The following ASTN2 variants were observed in gnomAD, a reference collection of about 807,000 sequenced individuals.
The protein encoded by ASTN2 is astrotactin-2.
Under a neutral mutation model 139.8 loss-of-function variants are expected in ASTN2, and 54 were observed. The ratio of observed to expected loss-of-function variants is 0.39; its 90% CI spans 0.31 to 0.48. The LOEUF (loss-of-function observed/expected upper bound fraction) is 0.48. ASTN2 is among the 20% of genes least tolerant of loss of function. The pLI, the probability that ASTN2 is intolerant of heterozygous loss-of-function variation, is 0.95. For synonymous variants in ASTN2, 756 were observed against 719.5 expected (o/e 1.05, Z -0.81); for missense variants, 1,565 against 1,725.1 (o/e 0.91, Z 1.64).
chr9:117,256,500 A>G (rs924506032), intron 2 of ASTN2, among the ~76,000 whole-genome samples: 2 of 152,170 alleles, frequency 1.3e-5, no homozygotes, highest in Non-Finnish European at 2.9e-5. Context: ...AGGCTTAGAG[A>G]GATTAAAACA....
At chr9:117,085,618 G>T (rs1458571769) in intron 5 of ASTN2, among the ~76,000 whole-genome samples, 1 of 152,184 alleles carries the variant, frequency 6.6e-6, no homozygotes, top group Non-Finnish European at 1.5e-5. Context: ...GCTGCCTTTT[G>T]TCCTCCATAC....
At chr9:117,028,799 G>A (rs1163520999) in intron 6 of ASTN2, among the ~76,000 whole-genome samples, 6 of 152,166 alleles carry the variant, frequency 3.9e-5, no homozygotes, top group Admixed American at 1.3e-4. Context: ...TAATGTGATG[G>A]CTGCATAAGG....
rs181813721 is a variant in ASTN2, at chr9:117,115,988, G to A, written c.1169-19837C>T. Among the ~76,000 whole-genome samples, 841 of 150,408 alleles carry A rather than the reference G, an allele frequency of 5.6e-3. 10 individuals carry two copies. The highest frequency in any genetic ancestry group is 0.018 in the African/African-American group (712 of 40,420). Reference sequence around the variant, plus strand: ...TGCAGTGAGCTGAGATTGTGCCACTGCACTCCAGACTGGGGGACAGAGTGA... The same window carrying A: ...TGCAGTGAGCTGAGATTGTGCCACTACACTCCAGACTGGGGGACAGAGTGA... On this transcript the variant is annotated intron_variant, in intron 4 of 22. Transcript: ENST00000313400.
At chr9:116,616,732 T>A (rs1340760840) in intron 19 of ASTN2, among the ~76,000 whole-genome samples, 1 of 152,064 alleles carries the variant, frequency 6.6e-6, no homozygotes, top group Non-Finnish European at 1.5e-5. Flanking sequence ...TGGTTATCTG[T>A]GGTTTACAAA....
At chr9:117,290,176 T>C (rs577017448) in intron 2 of ASTN2, among the ~76,000 whole-genome samples, 106 of 152,248 alleles carry the variant, frequency 7.0e-4, no homozygotes, top group African/African-American at 2.1e-3. Context: ...ATGTTGGAGA[T>C]ACCATTTCCT....
intron 19 of ASTN2, chr9:116,568,673 C>G (rs987538818): frequency 6.6e-6 from 1 of 152,302 alleles, no homozygotes; most frequent in African/African-American, 2.4e-5. Flanking sequence ...CATCCTGAGT[C>G]TGGTCCCTCT....
At chr9:117,140,196 C>T (rs1448436833) in intron 4 of ASTN2, among the ~76,000 whole-genome samples, 2 of 152,140 alleles carry the variant, frequency 1.3e-5, no homozygotes, top group Non-Finnish European at 2.9e-5. Context: ...TGGTTTCATG[C>T]AGAGAGCATG....
chr9:117,152,894 G>C (rs1031789234), intron 3 of ASTN2, among the ~76,000 whole-genome samples: 2 of 152,068 alleles, frequency 1.3e-5, no homozygotes, highest in African/African-American at 4.8e-5. Context: ...AACATTTACT[G>C]TTTATGGAGT....
chr9:116,668,278 G>A (rs570357679), intron 16 of ASTN2, among the ~76,000 whole-genome samples: 1 of 146,192 alleles, frequency 6.8e-6, no homozygotes, highest in East Asian at 2.2e-4. Flanking sequence ...CGCAACCTCC[G>A]CCCCCCAGGT....
At chr9:117,113,179 T>C (rs1476143179) in intron 4 of ASTN2, among the ~76,000 whole-genome samples, 1 of 152,142 alleles carries the variant, frequency 6.6e-6, no homozygotes, top group Non-Finnish European at 1.5e-5. Context: ...AAACCCTATT[T>C]CTCAAAATGT....
At chr9:117,345,377 T>C (rs1157396996) in intron 1 of ASTN2, among the ~76,000 whole-genome samples, 1 of 152,160 alleles carries the variant, frequency 6.6e-6, no homozygotes, top group East Asian at 1.9e-4. Context: ...GTATGAATCA[T>C]AACCACAGCT....
At chr9:116,506,681 C>T (rs995604988) in intron 19 of ASTN2, among the ~76,000 whole-genome samples, 4 of 152,096 alleles carry the variant, frequency 2.6e-5, no homozygotes, top group African/African-American at 9.7e-5. Flanking sequence ...CCATCTCCAA[C>T]CCCCCAAAAA....
chr9:116,836,737 A>T (rs896419080), intron 11 of ASTN2, among the ~76,000 whole-genome samples: 1 of 152,106 alleles, frequency 6.6e-6, no homozygotes, highest in Non-Finnish European at 1.5e-5. Flanking sequence ...CAAAGGCTTC[A>T]GCTGGTCTGC....
intron 20 of ASTN2, among the ~76,000 whole-genome samples, chr9:116,443,654 A>C (rs1485707290): frequency 6.6e-6 from 1 of 152,130 alleles, no homozygotes. Context: ...GCAAAGTCTA[A>C]GAAGGGAGCA....
intron 19 of ASTN2, among the ~76,000 whole-genome samples, chr9:116,537,548 G>A (rs991756419): frequency 6.6e-6 from 1 of 152,208 alleles, no homozygotes; most frequent in African/African-American, 2.4e-5. Flanking sequence ...AACATACAGT[G>A]AAGCCCTGGA....
chr9:117,155,074 T>C (rs1234690528), intron 3 of ASTN2, among the ~76,000 whole-genome samples: 1 of 151,858 alleles, frequency 6.6e-6, no homozygotes, highest in Non-Finnish European at 1.5e-5. Flanking sequence ...GATCAAACTG[T>C]GGAGTGCTGG....
intron 5 of ASTN2, among the ~76,000 whole-genome samples, chr9:117,071,249 G>A (rs1032483396): frequency 2.6e-5 from 4 of 151,426 alleles, no homozygotes; most frequent in Admixed American, 6.6e-5. Context: ...CTCAGCTGCA[G>A]GTCTGTTGGA....
chr9:116,760,250 A>T (rs1318897382), intron 13 of ASTN2, among the ~76,000 whole-genome samples: 2 of 152,206 alleles, frequency 1.3e-5, no homozygotes, highest in African/African-American at 2.4e-5. Context: ...CCCAGGAGAA[A>T]GGCCTCCACT....
At chr9:117,023,617 G>A (rs1435651511) in intron 6 of ASTN2, among the ~76,000 whole-genome samples, 1 of 152,050 alleles carries the variant, frequency 6.6e-6, no homozygotes, top group African/African-American at 2.4e-5. Context: ...CTGCAGGCAG[G>A]GGCTGTGTCT....
Sources: allele counts gnomAD v4.1 joint callset (sites outside exome capture counted in the v4.1 genomes callset), GRCh38; gene constraint gnomAD v4.1.1; transcripts MANE v1.5; gene names NCBI Gene and HGNC (gene_info 2026-07-23, HGNC 2026-07-21).